Variants in BBS9 observed in about 807,000 individuals in gnomAD.
The protein encoded by BBS9 is Bardet-Biedl syndrome 9.
Under a neutral mutation model 117.7 loss-of-function variants are expected in BBS9, and 89 were observed. The observed-to-expected ratio is 0.76, with a 90% CI of 0.64 to 0.90. The LOEUF is 0.90. BBS9 is among the 40% of genes least tolerant of loss of function. BBS9 has a pLI of 0.00. For synonymous variants in BBS9, 379 were observed against 370.9 expected (o/e 1.02, Z -0.25); for missense variants, 982 against 1,042.2 (o/e 0.94, Z 0.80).
chr7:33,469,817 T>G (rs1840718783), intron 19 of BBS9, among the ~76,000 whole-genome samples: 1 of 152,132 alleles, frequency 6.6e-6, no homozygotes, highest in Non-Finnish European at 1.5e-5. Context: ...GGTTTGTAAC[T>G]CAAAGCGCCC....
intron 21 of BBS9, among the ~76,000 whole-genome samples, chr7:33,594,990 A>G (rs1374274175): frequency 3.3e-5 from 5 of 152,192 alleles, no homozygotes; most frequent in African/African-American, 9.7e-5. Context: ...GGCTAGCCAT[A>G]CGCAGAAAAC....
chr7:33,631,097 C>A (rs1403053667), intron 21 of BBS9, among the ~76,000 whole-genome samples: 1 of 152,116 alleles, frequency 6.6e-6, no homozygotes, highest in Non-Finnish European at 1.5e-5. Context: ...GTGGGGAAAG[C>A]TTTTCTGAGG....
intron 21 of BBS9, among the ~76,000 whole-genome samples, chr7:33,604,295 G>A (rs1406165551): frequency 6.6e-6 from 1 of 152,112 alleles, no homozygotes; most frequent in African/African-American, 2.4e-5. Context: ...AGTCACCTTT[G>A]GATTGAAATC....
chr7:33,603,936 A>G (rs1299996833), intron 21 of BBS9, among the ~76,000 whole-genome samples: 3 of 152,152 alleles, frequency 2.0e-5, no homozygotes, highest in African/African-American at 7.2e-5. Context: ...TGGTTTTGAA[A>G]TCAGTGCTGC....
At position 33,345,168 on chromosome 7, in the gene BBS9, G is replaced by A. The variant is rs370754391; in HGVS notation, c.1329+534G>A. ...AATGAAGATGCCACAAAGTTAGAAT[G>A]GTAACAAATTGATAGTCTGGAAAAT... On this transcript the variant is annotated intron_variant, in intron 12 of 22. Transcript: ENST00000242067. Among the ~76,000 whole-genome samples, 47 of 152,350 alleles carry A rather than the reference G, an allele frequency of 3.1e-4. No individual in the cohort carries two copies. In the East Asian group the frequency reaches 5.0e-3, roughly 16 times the overall value.
intron 21 of BBS9, among the ~76,000 whole-genome samples, chr7:33,620,917 T>C (rs2129222542): frequency 6.6e-6 from 1 of 151,940 alleles, no homozygotes; most frequent in South Asian, 2.1e-4. Context: ...CATAACAGAG[T>C]CCAGAAATAA....
intron 5 of BBS9, among the ~76,000 whole-genome samples, chr7:33,196,777 C>T (rs1470060324): frequency 6.6e-6 from 1 of 152,172 alleles, no homozygotes; most frequent in Non-Finnish European, 1.5e-5. Flanking sequence ...AGGATTGACT[C>T]TCATCCTGTG....
At chr7:33,146,698 CAAAAAAAAAAAA>C (rs36056577) in intron 2 of BBS9, among the ~76,000 whole-genome samples, 227 of 81,312 alleles carry the variant, frequency 2.8e-3, no homozygotes, top group Admixed American at 8.7e-3. Context: ...GGCTCCATCT[CAAAAAAAAAAAA>C]AAAAAAAAGA....
At chr7:33,323,670 G>A (rs374807293) in intron 9 of BBS9, among the ~76,000 whole-genome samples, 1 of 151,390 alleles carries the variant, frequency 6.6e-6, no homozygotes, top group Non-Finnish European at 1.5e-5. Flanking sequence ...CTGATCATTG[G>A]GTCTTTTTTT....
rs1819926913 is a variant in BBS9, at chr7:33,357,929, A to G, written c.1627A>G (p.Thr543Ala). The G allele has an allele frequency of 6.2e-7, 1 of 1,612,598 alleles. No individual in the cohort carries two copies. Among genetic ancestry groups the G allele is most frequent in the Non-Finnish European group, 8.5e-7 (1 of 1,178,916 alleles). The change falls in exon 16 of 23, where the codon ACT (threonine) becomes GCT (alanine). Residue 543 changes from threonine (T) to alanine (A), a missense_variant. Thr to Ala is a moderately conservative substitution (Grantham distance 58, BLOSUM62 0). Transcript: ENST00000242067. ...TTGCCTACCAGGTCAGCCTTCAAAA[A>G]CTGCAAGCCACAAAATTACTATTGA... is the stretch of plus-strand genomic sequence containing the variant. ...LICLPGQPSK[T>A]ASHKITIDTN...
intron 20 of BBS9, among the ~76,000 whole-genome samples, chr7:33,531,765 T>C (rs1850612892): frequency 6.6e-6 from 1 of 152,184 alleles, no homozygotes; most frequent in Non-Finnish European, 1.5e-5. Context: ...GGAATAGTTT[T>C]CTGTTGGTTA....
chr7:33,251,761 G>T (rs1368146151), intron 5 of BBS9, among the ~76,000 whole-genome samples: 1 of 152,106 alleles, frequency 6.6e-6, no homozygotes, highest in African/African-American at 2.4e-5. Flanking sequence ...ACTCCATCTT[G>T]CAGATAAGGA....
At chr7:33,230,483 C>T (rs1429796425) in intron 5 of BBS9, among the ~76,000 whole-genome samples, 1 of 152,094 alleles carries the variant, frequency 6.6e-6, no homozygotes, top group East Asian at 1.9e-4. Context: ...AATTGTATAG[C>T]GAGTAGTGAA....
At chr7:33,158,978 G>A (rs1794464711) in intron 4 of BBS9, among the ~76,000 whole-genome samples, 2 of 145,158 alleles carry the variant, frequency 1.4e-5, no homozygotes, top group South Asian at 4.5e-4. Flanking sequence ...GTACAGAAAC[G>A]GTCAGGTTGG....
chr7:33,312,151 AC>A (rs555541869), intron 9 of BBS9, among the ~76,000 whole-genome samples: 62 of 152,240 alleles, frequency 4.1e-4, no homozygotes, highest in Admixed American at 3.5e-3. Flanking sequence ...ATTACATTCT[AC>A]TTGTTTTTCA....
chr7:33,382,566 A>G (rs1825267552), intron 17 of BBS9, among the ~76,000 whole-genome samples: 1 of 152,182 alleles, frequency 6.6e-6, no homozygotes, highest in Non-Finnish European at 1.5e-5. Context: ...TGCCTAGTGA[A>G]CTGTAGACAT....
At chr7:33,146,718 AG>A (rs1367456911) in intron 2 of BBS9, among the ~76,000 whole-genome samples, 29 of 119,518 alleles carry the variant, frequency 2.4e-4, no homozygotes, top group Admixed American at 1.2e-3. Context: ...AAAAAAAAAA[AG>A]AGATAAAAAT....
intron 1 of BBS9, among the ~76,000 whole-genome samples, chr7:33,142,991 A>G (rs1791744424): frequency 6.7e-6 from 1 of 149,830 alleles, no homozygotes; most frequent in Admixed American, 6.7e-5. Context: ...TTTTTTTGAG[A>G]TGGAGTCTCG....
intron 5 of BBS9, among the ~76,000 whole-genome samples, chr7:33,239,546 ATTACAGGCAC>A (rs1371120035): frequency 1.3e-5 from 2 of 152,068 alleles, no homozygotes; most frequent in Non-Finnish European, 2.9e-5. Context: ...AGTAGCTGGG[ATTACAGGCAC>A]GTGCCACCAT....
Sources: gnomAD v4.1 joint callset for allele counts (sites outside exome capture counted in the v4.1 genomes callset) on GRCh38, gnomAD v4.1.1 for gene constraint, MANE v1.5 for transcripts, NCBI Gene and HGNC (gene_info 2026-07-23, HGNC 2026-07-21) for gene names.